Variants in STK33 observed in about 807,000 individuals in gnomAD.
The protein encoded by STK33 is serine/threonine-protein kinase 33.
In STK33, 52 loss-of-function variants were observed where a neutral mutation model predicts 58.0. The observed-to-expected ratio is 0.90, with a 90% CI of 0.72 to 1.13. The LOEUF (loss-of-function observed/expected upper bound fraction) is 1.13. STK33 is among the 50% of genes most tolerant of loss of function. STK33 has a pLI of 0.00. For synonymous variants in STK33, 215 were observed against 200.1 expected, an observed-to-expected ratio of 1.07 and a Z score of -0.63; for missense variants, 630 against 604.2, an observed-to-expected ratio of 1.04 and a Z score of -0.45.
At chr11:8,437,640 ATTTTCTTTATAT>A (rs58761290) in intron 12 of STK33, among the ~76,000 whole-genome samples, 67,017 of 151,576 alleles carry the variant, frequency 0.44, 14,943 homozygotes, top group South Asian at 0.57. Context: ...ATTTTTACTA[ATTTTCTTTATAT>A]TTTTCTTTAT....
chr11:8,586,828 A>T (rs1297092193), intron 1 of STK33, among the ~76,000 whole-genome samples: 1 of 145,236 alleles, frequency 6.9e-6, no homozygotes, highest in Admixed American at 6.7e-5. Flanking sequence ...TGTCTAAAAA[A>T]AAAAAAAAAA....
At chr11:8,354,505 CACACACACACA>C in the STK33 span, among the ~76,000 whole-genome samples, 8 of 144,648 alleles carry the variant, frequency 5.5e-5, no homozygotes, top group Middle Eastern at 3.5e-3. Flanking sequence ...CACACACACA[CACACACACACA>C]CCCCTCAGAC....
intron 11 of STK33, among the ~76,000 whole-genome samples, chr11:8,446,832 G>C (rs1565001925): frequency 6.6e-6 from 1 of 152,134 alleles, no homozygotes; most frequent in African/African-American, 2.4e-5. Context: ...ATGGATTAAA[G>C]ACTTAAATGT....
Position 8,457,362 on chromosome 11 carries a change from T to C in STK33, c.676A>G (p.Ile226Val), listed in dbSNP as rs1285175198. ...TTACCATTATTGTGAAGATATGCTA[T>C]AGCTGATGCGAGACTTTGAATGATC... is the stretch of plus-strand genomic sequence containing the variant. ...RWIIQSLASA[I>V]AYLHNNDIVH... The change falls in exon 9 of 16, where the codon ATA (isoleucine) becomes GTA (valine). Residue 226 changes from isoleucine (I) to valine (V), a missense_variant. Coordinates refer to ENST00000687296, the MANE Select transcript of STK33 (RefSeq NM_001352389.2). 6 of 1,603,564 alleles carry C rather than the reference T, an allele frequency of 3.7e-6. No homozygotes were observed. The highest frequency in any genetic ancestry group is 2.2e-5 in the East Asian group (1 of 44,706).
chr11:8,511,674 G>A (rs965828217), intron 1 of STK33, among the ~76,000 whole-genome samples: 22 of 152,142 alleles, frequency 1.4e-4, no homozygotes, highest in Admixed American at 2.6e-4. Context: ...CTTGTTGAGA[G>A]TTTTTATCAT....
intron 11 of STK33, among the ~76,000 whole-genome samples, chr11:8,443,332 A>G (rs984035409): frequency 6.6e-6 from 1 of 152,206 alleles, no homozygotes; most frequent in Admixed American, 6.5e-5. Flanking sequence ...CCAACGCATC[A>G]TTTGCAAAAG....
chr11:8,352,696 T>G, the STK33 span, among the ~76,000 whole-genome samples: 8 of 152,344 alleles, frequency 5.3e-5, no homozygotes, highest in African/African-American at 1.2e-4. Flanking sequence ...GACTCCATTT[T>G]GCCACATAAG....
chr11:8,482,340 G>A (rs1392056090), intron 1 of STK33, among the ~76,000 whole-genome samples: 1 of 152,162 alleles, frequency 6.6e-6, no homozygotes, highest in Non-Finnish European at 1.5e-5. Context: ...AGCATCTAGA[G>A]GGCAGTTAGG....
intron 6 of STK33, chr11:8,467,107 A>G (rs1463292561): frequency 6.6e-6 from 1 of 152,176 alleles, no homozygotes; most frequent in Non-Finnish European, 1.5e-5. Flanking sequence ...GGCTGCTGTG[A>G]AGACCTCTGA....
At chr11:8,400,997 T>C (rs1249092342) in intron 15 of STK33, among the ~76,000 whole-genome samples, 1 of 152,168 alleles carries the variant, frequency 6.6e-6, no homozygotes, top group African/African-American at 2.4e-5. Context: ...GAACATTCCA[T>C]GCTCATGGGT....
At chr11:8,380,852 T>C in the STK33 span, among the ~76,000 whole-genome samples, 1 of 152,142 alleles carries the variant, frequency 6.6e-6, no homozygotes, top group Admixed American at 6.5e-5. Context: ...CATCAACCAA[T>C]GAGTGCATTT....
rs888058436 is a variant in STK33 at position 8,578,988 on chromosome 11, G to A, written c.-466+15095C>T. 2.0e-5 allele frequency among the ~76,000 whole-genome samples: 3 copies of A among 151,980 alleles called. No homozygotes were observed. In the East Asian group the frequency reaches 5.8e-4, roughly 29 times the overall value. ...ATATAAAACAATTATCAGAGTACCT[G>A]GCAATTATTATTATTTAGTGTTATC... On this transcript the variant is annotated intron_variant, in intron 1 of 15. Transcript: ENST00000687296.
chr11:8,494,678 C>T (rs1267094891), intron 1 of STK33, among the ~76,000 whole-genome samples: 1 of 152,180 alleles, frequency 6.6e-6, no homozygotes, highest in Non-Finnish European at 1.5e-5. Context: ...AGGCATCACA[C>T]TACCTGACTT....
chr11:8,416,246 TC>T (rs1941107102), intron 14 of STK33, among the ~76,000 whole-genome samples: 1 of 152,264 alleles, frequency 6.6e-6, no homozygotes, highest in South Asian at 2.1e-4. Context: ...CTACCACCGT[TC>T]AACAGAGTAT....
chr11:8,452,427 T>C (rs1479600158), intron 11 of STK33, among the ~76,000 whole-genome samples: 1 of 152,136 alleles, frequency 6.6e-6, no homozygotes, highest in African/African-American at 2.4e-5. Flanking sequence ...TGGGTCATTA[T>C]GTCATGATGG....
chr11:8,493,353 T>C (rs975567966), intron 1 of STK33, among the ~76,000 whole-genome samples: 3 of 150,314 alleles, frequency 2.0e-5, no homozygotes, highest in Non-Finnish European at 4.4e-5. Context: ...CTAGAAAAAA[T>C]TGATAAATTC....
chr11:8,463,098 G>A (rs926127474), intron 7 of STK33, among the ~76,000 whole-genome samples: 2 of 152,128 alleles, frequency 1.3e-5, no homozygotes, highest in African/African-American at 4.8e-5. Context: ...AGCATCTCAG[G>A]AGTGGGTGGG....
chr11:8,495,974 G>A (rs770057483), intron 1 of STK33, among the ~76,000 whole-genome samples: 1 of 152,034 alleles, frequency 6.6e-6, no homozygotes, highest in African/African-American at 2.4e-5. Flanking sequence ...GAGAGGGATA[G>A]CATTAGGAGA....
intron 1 of STK33, among the ~76,000 whole-genome samples, chr11:8,568,726 G>A (rs1957607694): frequency 6.6e-6 from 1 of 152,146 alleles, no homozygotes; most frequent in Non-Finnish European, 1.5e-5. Context: ...GAAATATAAT[G>A]CAGCAGAAGG....
Sources: gnomAD v4.1 joint callset for allele counts (sites outside exome capture counted in the v4.1 genomes callset) on GRCh38, gnomAD v4.1.1 for gene constraint, MANE v1.5 for transcripts, NCBI Gene and HGNC (gene_info 2026-07-23, HGNC 2026-07-21) for gene names.